Variants in COL12A1 observed in about 807,000 individuals in gnomAD.
COL12A1 encodes collagen type XII alpha 1 chain.
COL12A1 carries 114 observed loss-of-function variants against 349.7 expected under a neutral mutation model. That is an observed-to-expected ratio of 0.33 (90% confidence interval 0.28 to 0.38). COL12A1 has a LOEUF of 0.38. COL12A1 is among the 10% of genes least tolerant of loss of function. COL12A1 has a pLI of 1.00. For synonymous variants in COL12A1, 1,369 were observed against 1,329.0 expected, an observed-to-expected ratio of 1.03 and a Z score of -0.66; for missense variants, 3,284 against 3,756.9, an observed-to-expected ratio of 0.87 and a Z score of 3.29.
At position 75,138,545 on chromosome 6, in the gene COL12A1, G is replaced by C. The variant is rs180961776; in HGVS notation, c.5133C>G (p.Phe1711Leu). Residue 1711 changes from phenylalanine (F) to leucine (L), a missense_variant, in exon 29 of 66, where the codon TTC becomes TTG. Around this residue, in one of 2 missense-constraint regions of COL12A1, gnomAD observed 2,601 missense variants for 2,824.8 expected, o/e 0.92. Transcript: ENST00000322507. ...ILNGDENTLVFENLNPNTIYE... is the reference protein window; with the variant it reads ...ILNGDENTLVLENLNPNTIYE... ...AGATGGTGTTGGGGTTCAGGTTTTC[G>C]AACACCAAAGTGTTTTCATCTCCAT... 1 of 1,613,940 alleles carries C rather than the reference G, an allele frequency of 6.2e-7. No individual in the cohort carries two copies. The highest frequency in any genetic ancestry group is 2.2e-5 in the East Asian group (1 of 44,856).
intron 34 of COL12A1, among the ~76,000 whole-genome samples, chr6:75,132,333 C>A (rs1278741583): frequency 6.6e-6 from 1 of 152,074 alleles, no homozygotes; most frequent in African/African-American, 2.4e-5. Flanking sequence ...CGTGGTGGAA[C>A]TGGATTGGCC....
chr6:75,121,912 A>G (rs1464659609), intron 43 of COL12A1, among the ~76,000 whole-genome samples: 1 of 143,778 alleles, frequency 7.0e-6, no homozygotes, highest in Non-Finnish European at 1.5e-5. Context: ...GCTGGAGTGC[A>G]GTGGTGTGAT....
rs1766667147 is a variant in COL12A1, at chr6:75,137,335, C to T, written c.5394+102G>A. The T allele has an allele frequency of 6.8e-5, 73 of 1,069,262 alleles. 5 individuals are homozygous for T. In the South Asian group the frequency reaches 1.2e-3, roughly 17 times the overall value. The allele number at this position is 1,069,262 out of a possible 1,614,324, so 66.2% of individuals were successfully genotyped here. The stretch of plus-strand genomic sequence containing the variant: ...CATCCAATGCGATAAATCTTAATAT[C>T]CCTTAAAAAGTAAGTATGACTAACT... On this transcript the variant is annotated intron_variant, in intron 31 of 65. Coordinates refer to ENST00000322507, the MANE Select transcript of COL12A1 (RefSeq NM_004370.6).
intron 52 of COL12A1, among the ~76,000 whole-genome samples, chr6:75,107,222 C>A (rs1336281905): frequency 6.6e-6 from 1 of 151,774 alleles, no homozygotes; most frequent in East Asian, 1.9e-4. Flanking sequence ...ATATTAATTT[C>A]TATAATTAAA....
intron 14 of COL12A1, among the ~76,000 whole-genome samples, chr6:75,162,655 A>G (rs1190799486): frequency 1.3e-5 from 2 of 152,232 alleles, no homozygotes; most frequent in African/African-American, 4.8e-5. Context: ...GCCAAAATAG[A>G]CAAATGGAAT....
chr6:75,119,657 G>A (rs636885), intron 44 of COL12A1, among the ~76,000 whole-genome samples, 184 bp from the exon 45 acceptor site: 1 of 152,158 alleles, frequency 6.6e-6, no homozygotes, highest in Non-Finnish European at 1.5e-5. Flanking sequence ...CATTAAATTC[G>A]TTAATTTTCA....
chr6:75,122,449 T>C (rs1232169297), intron 43 of COL12A1, among the ~76,000 whole-genome samples: 1 of 151,954 alleles, frequency 6.6e-6, no homozygotes, highest in Non-Finnish European at 1.5e-5. Context: ...GTCTGGGAGA[T>C]GAAAAATCTC....
intron 3 of COL12A1, among the ~76,000 whole-genome samples, chr6:75,192,573 T>C (rs1357335863): frequency 1.3e-5 from 2 of 152,142 alleles, no homozygotes; most frequent in East Asian, 3.8e-4. Context: ...GTTACAATCA[T>C]ATTTAATACT....
At chr6:75,132,405 TA>T (rs1766351761) in intron 34 of COL12A1, among the ~76,000 whole-genome samples, 1 of 152,122 alleles carries the variant, frequency 6.6e-6, no homozygotes, top group South Asian at 2.1e-4. Flanking sequence ...CTAACATAAG[TA>T]ATGGAGAGAG....
intron 8 of COL12A1, among the ~76,000 whole-genome samples, chr6:75,185,376 T>C (rs1471326428): frequency 2.0e-5 from 3 of 151,782 alleles, no homozygotes; most frequent in Non-Finnish European, 2.9e-5. Context: ...ACAATGGGAG[T>C]TGTGAATAAT....
At chr6:75,163,710 T>A (rs926650215) in intron 14 of COL12A1, among the ~76,000 whole-genome samples, 1 of 152,128 alleles carries the variant, frequency 6.6e-6, no homozygotes, top group Non-Finnish European at 1.5e-5. Context: ...TGTTCATCAA[T>A]GTTTAAATCA....
chr6:75,199,259 G>A (rs1418282438), intron 2 of COL12A1, among the ~76,000 whole-genome samples: 2 of 152,148 alleles, frequency 1.3e-5, no homozygotes, highest in Admixed American at 6.5e-5. Flanking sequence ...TTGACCAAGT[G>A]ATTCAGCCTC....
At chr6:75,151,355 A>T in intron 20 of COL12A1, 68 bp from the exon 21 acceptor site, 1 of 1,450,732 alleles carries the variant, frequency 6.9e-7, no homozygotes, top group Non-Finnish European at 9.4e-7. Flanking sequence ...GAAGCAAATG[A>T]TTTACGGCTT....
intron 21 of COL12A1, 22 bp from the exon 22 acceptor site, chr6:75,148,519 A>G (rs1249905512): frequency 3.1e-6 from 5 of 1,602,592 alleles, no homozygotes; most frequent in African/African-American, 1.3e-5. Flanking sequence ...AATAAAGGGT[A>G]TACACTTTTC....
At chr6:75,197,150 A>C (rs1259577111) in intron 2 of COL12A1, among the ~76,000 whole-genome samples, 1 of 152,168 alleles carries the variant, frequency 6.6e-6, no homozygotes, top group Non-Finnish European at 1.5e-5. Flanking sequence ...AGCAGATGTA[A>C]GTGTATGACC....
intron 9 of COL12A1, 67 bp downstream of exon 9, chr6:75,183,787 C>T: frequency 6.3e-7 from 1 of 1,576,534 alleles, no homozygotes; most frequent in East Asian, 2.2e-5. Flanking sequence ...TAAGTCCAAA[C>T]AAGTAAGGCA....
chr6:75,102,608 G>A lies in COL12A1; in HGVS notation c.8404C>T (p.Pro2802Ser). 6.4e-7 allele frequency: 1 copy of A among 1,552,106 alleles called. No individual in the cohort carries two copies. Among genetic ancestry groups the A allele is most frequent in the South Asian group, 1.2e-5 (1 of 81,656 alleles). Residue 2802 changes from proline (P) to serine (S), a missense_variant, in exon 56 of 66, where the codon CCG (proline) becomes TCG (serine). Around this residue, in one of 2 missense-constraint regions of COL12A1, gnomAD observed 683 missense variants for 932.1 expected, o/e 0.73. Transcript: ENST00000322507. ...GGCTTTGTGCTTACTTGCTCTCCCG[G>A]AATAGAGAGTCCATTGGGTCCCTGA... ...GPQGPNGLSI[P>S]GEQGRQGMKG...
chr6:75,141,938 G>T, intron 27 of COL12A1, 94 bp downstream of exon 27: 1 of 1,460,966 alleles, frequency 6.8e-7, no homozygotes, highest in Non-Finnish European at 9.4e-7. Flanking sequence ...ACTGGCAAAG[G>T]TAGCATTAAG....
intron 14 of COL12A1, among the ~76,000 whole-genome samples, chr6:75,160,403 T>C (rs1461186622): frequency 6.6e-6 from 1 of 152,184 alleles, no homozygotes; most frequent in Non-Finnish European, 1.5e-5. Context: ...CAAAATGCCC[T>C]CTTGGAAGCA....
Sources: allele counts gnomAD v4.1 joint callset (sites outside exome capture counted in the v4.1 genomes callset), GRCh38; gene constraint gnomAD v4.1.1; regional missense constraint gnomAD v4.1.1; transcripts MANE v1.5; gene names NCBI Gene and HGNC (gene_info 2026-07-23, HGNC 2026-07-21).